The following HS6ST1 variants were observed in gnomAD, a reference collection of about 807,000 sequenced individuals.
HS6ST1 encodes heparan-sulfate 6-O-sulfotransferase 1.
HS6ST1 carries 3 observed loss-of-function variants against 25.2 expected under a neutral mutation model. That is an observed-to-expected ratio of 0.12 (90% confidence interval 0.05 to 0.31). HS6ST1 has a LOEUF of 0.31. Ranked by LOEUF, HS6ST1 falls within the 10% of genes least tolerant of loss-of-function variation. The pLI, the probability that HS6ST1 is intolerant of heterozygous loss-of-function variation, is 1.00. For synonymous variants in HS6ST1, 204 were observed against 275.1 expected (o/e 0.74, Z 2.56); for missense variants, 310 against 609.6 (o/e 0.51, Z 5.18).
intron 1 of HS6ST1, among the ~76,000 whole-genome samples, chr2:128,293,042 T>C (rs1214859331): frequency 3.3e-5 from 5 of 152,172 alleles, no homozygotes; most frequent in Non-Finnish European, 7.4e-5. Context: ...GCCCACAGCC[T>C]GTGTGGTTCC....
chr2:128,293,820 C>T (rs1693995196), intron 1 of HS6ST1, among the ~76,000 whole-genome samples: 1 of 152,186 alleles, frequency 6.6e-6, no homozygotes, highest in South Asian at 2.1e-4. Context: ...AAGGCCAGTG[C>T]TATGTGAGCA....
intron 1 of HS6ST1, among the ~76,000 whole-genome samples, chr2:128,316,039 C>T (rs902004052): frequency 1.3e-5 from 2 of 152,232 alleles, no homozygotes; most frequent in East Asian, 1.9e-4. Context: ...AGCCCACCTC[C>T]GCCAGAGGCA....
At chr2:128,301,476 A>G (rs563145691) in intron 1 of HS6ST1, among the ~76,000 whole-genome samples, 2 of 152,324 alleles carry the variant, frequency 1.3e-5, no homozygotes, top group African/African-American at 4.8e-5. Context: ...ATGGAAGAGC[A>G]GCCCAGCTCA....
At chr2:128,303,310 A>C (rs966739696) in intron 1 of HS6ST1, among the ~76,000 whole-genome samples, 4 of 152,244 alleles carry the variant, frequency 2.6e-5, no homozygotes, top group African/African-American at 9.6e-5. Context: ...GGCCATGCAG[A>C]GGAGCTGGGA....
chr2:128,303,477 G>A (rs201532584), intron 1 of HS6ST1, among the ~76,000 whole-genome samples: 3 of 152,332 alleles, frequency 2.0e-5, no homozygotes, highest in South Asian at 2.1e-4. Context: ...TACCTAAAAC[G>A]TAGTTTCCAG....
At chr2:128,274,956 TC>T (rs1693668369) in intron 1 of HS6ST1, among the ~76,000 whole-genome samples, 1 of 100,066 alleles carries the variant, frequency 1.0e-5, no homozygotes, top group Non-Finnish European at 1.8e-5. Flanking sequence ...AGAGCGAGAC[TC>T]CGTCTCAAAA....
At chr2:128,279,837 A>G (rs1211021929) in intron 1 of HS6ST1, among the ~76,000 whole-genome samples, 1 of 152,186 alleles carries the variant, frequency 6.6e-6, no homozygotes, top group Non-Finnish European at 1.5e-5. Context: ...CCAGAAATTC[A>G]GAGAGGCAAC....
At chr2:128,282,348 C>T (rs997182510) in intron 1 of HS6ST1, among the ~76,000 whole-genome samples, 9 of 152,256 alleles carry the variant, frequency 5.9e-5, no homozygotes, top group Admixed American at 5.9e-4. Flanking sequence ...AAGCCCTGGA[C>T]TCTGGCCCAA....
intron 1 of HS6ST1, among the ~76,000 whole-genome samples, chr2:128,315,785 G>A (rs1022197065): frequency 4.6e-5 from 7 of 152,194 alleles, no homozygotes; most frequent in Admixed American, 2.6e-4. Context: ...TTGGCCCTGC[G>A]AGCACAAAGG....
chr2:128,278,304 C>T (rs1042483509), intron 1 of HS6ST1, among the ~76,000 whole-genome samples: 1 of 152,238 alleles, frequency 6.6e-6, no homozygotes, highest in African/African-American at 2.4e-5. Flanking sequence ...CTCATGCCTG[C>T]ATCTTCTTAT....
At chr2:128,306,887 G>A (rs1694220313) in intron 1 of HS6ST1, among the ~76,000 whole-genome samples, 1 of 152,180 alleles carries the variant, frequency 6.6e-6, no homozygotes, top group Non-Finnish European at 1.5e-5. Context: ...CCAGGCTGGA[G>A]GCACAGACAG....
At chr2:128,273,682 T>C (rs1693647016) in intron 1 of HS6ST1, among the ~76,000 whole-genome samples, 1 of 152,216 alleles carries the variant, frequency 6.6e-6, no homozygotes, top group South Asian at 2.1e-4. Context: ...GTGCCCCAGC[T>C]GCGCCTTGCC....
chr2:128,314,870 T>C (rs1310744467), intron 1 of HS6ST1, among the ~76,000 whole-genome samples: 1 of 152,222 alleles, frequency 6.6e-6, no homozygotes, highest in African/African-American at 2.4e-5. Flanking sequence ...CAGGGACATT[T>C]CCAGGGTGGC....
intron 1 of HS6ST1, among the ~76,000 whole-genome samples, chr2:128,299,074 G>A (rs774621783): frequency 1.3e-5 from 2 of 152,258 alleles, no homozygotes; most frequent in Non-Finnish European, 2.9e-5. Context: ...AGATGGGGCA[G>A]AAACACACCT....
At chr2:128,298,577 T>C (rs1694075535) in intron 1 of HS6ST1, among the ~76,000 whole-genome samples, 1 of 152,320 alleles carries the variant, frequency 6.6e-6, no homozygotes, top group East Asian at 1.9e-4. Flanking sequence ...CAGTATCATA[T>C]AATTCCACTT....
intron 1 of HS6ST1, among the ~76,000 whole-genome samples, chr2:128,273,394 G>A (rs1256594323): frequency 6.6e-6 from 1 of 152,228 alleles, no homozygotes; most frequent in African/African-American, 2.4e-5. Flanking sequence ...AGCCAAATGT[G>A]GGTGTTCCTG....
chr2:128,302,989 CTGTG>C (rs1308688995), intron 1 of HS6ST1, among the ~76,000 whole-genome samples: 1 of 152,238 alleles, frequency 6.6e-6, no homozygotes, highest in African/African-American at 2.4e-5. Flanking sequence ...TCACCCCTCC[CTGTG>C]TGTTCCTCCA....
intron 1 of HS6ST1, among the ~76,000 whole-genome samples, chr2:128,311,321 AG>A (rs1423399684): frequency 6.6e-6 from 1 of 152,174 alleles, no homozygotes; most frequent in Non-Finnish European, 1.5e-5. Flanking sequence ...AGCAGGTGCC[AG>A]TGAGTGTCCA....
chr2:128,306,631 G>A (rs1010877465), intron 1 of HS6ST1, among the ~76,000 whole-genome samples: 2 of 152,214 alleles, frequency 1.3e-5, no homozygotes, highest in Non-Finnish European at 2.9e-5. Flanking sequence ...ATGGTGATGT[G>A]TAGGCCCTTC....
Sources: gnomAD v4.1 joint callset for allele counts (sites outside exome capture counted in the v4.1 genomes callset) on GRCh38, gnomAD v4.1.1 for gene constraint, MANE v1.5 for transcripts, NCBI Gene and HGNC (gene_info 2026-07-23, HGNC 2026-07-21) for gene names.